Variants in CACNA2D3 observed in about 807,000 individuals in gnomAD.
CACNA2D3 encodes the protein voltage-dependent calcium channel subunit alpha-2/delta-3.
In CACNA2D3, 60 loss-of-function variants were observed where a neutral mutation model predicts 160.6. That is an observed-to-expected ratio of 0.37 (90% CI 0.30 to 0.46). The LOEUF is 0.46. Ranked by LOEUF, CACNA2D3 falls within the 20% of genes least tolerant of loss-of-function variation. CACNA2D3 has a pLI of 1.00. For missense variants in CACNA2D3, 1,205 were observed against 1,365.0 expected (o/e 0.88, Z 1.85); for synonymous variants, 558 against 492.9 (o/e 1.13, Z -1.75).
chr3:54,684,936 C>T (rs1700422816), intron 11 of CACNA2D3, among the ~76,000 whole-genome samples: 1 of 152,006 alleles, frequency 6.6e-6, no homozygotes, highest in African/African-American at 2.4e-5. Flanking sequence ...CATCCCACTG[C>T]TTGGAGTGCA....
At chr3:54,951,447 TC>T (rs1185024556) in intron 27 of CACNA2D3, among the ~76,000 whole-genome samples, 1 of 152,170 alleles carries the variant, frequency 6.6e-6, no homozygotes, top group African/African-American at 2.4e-5. Flanking sequence ...ATGGAACTGT[TC>T]TTTGGTGTGC....
chr3:54,770,180 A>G (rs1421110726), intron 13 of CACNA2D3, among the ~76,000 whole-genome samples: 1 of 152,218 alleles, frequency 6.6e-6, no homozygotes, highest in East Asian at 1.9e-4. Context: ...AATATCCTAT[A>G]AAGAGAATGA....
chr3:54,918,652 A>G (rs1341514218), intron 27 of CACNA2D3: 5 of 1,614,158 alleles, frequency 3.1e-6, no homozygotes, highest in Middle Eastern at 1.6e-4. Flanking sequence ...GGCATGACGC[A>G]GGTTGGCCGG....
intron 5 of CACNA2D3, among the ~76,000 whole-genome samples, chr3:54,549,263 G>A (rs1197422552): frequency 6.6e-6 from 1 of 152,064 alleles, no homozygotes; most frequent in Non-Finnish European, 1.5e-5. Context: ...TGGCTAACAC[G>A]GTGAAACCCC....
chr3:54,907,552 C>G (rs74951791), intron 27 of CACNA2D3, among the ~76,000 whole-genome samples: 2 of 152,262 alleles, frequency 1.3e-5, no homozygotes, highest in Admixed American at 1.3e-4. Context: ...TATTGTCGCC[C>G]TCTTCATTAA....
chr3:54,772,731 A>G (rs1702342895), intron 13 of CACNA2D3, among the ~76,000 whole-genome samples: 1 of 152,224 alleles, frequency 6.6e-6, no homozygotes, highest in Non-Finnish European at 1.5e-5. Context: ...TCTCATATGA[A>G]TACAAGTCAT....
In CACNA2D3 at chr3:54,123,714, C is replaced by T. The variant is rs975820737; in HGVS notation, c.204+120C>T. ...ATCAGTTATCGGAGGACTCTCTGAT[C>T]CCCGGGTTTCTTGGCATTGTACTAT... On this transcript the variant is annotated intron_variant, in intron 2 of 37. Transcript: ENST00000474759. The T allele has an allele frequency of 3.7e-6, 3 of 818,936 alleles. No individual in the cohort carries two copies. In the South Asian group the frequency reaches 4.2e-5, roughly 12 times the overall value. The allele number at this position is 818,936 out of a possible 1,614,324, so 50.7% of individuals were successfully genotyped here.
In CACNA2D3 at chr3:54,142,146, C is replaced by CTGGA. The variant is rs1699950138; in HGVS notation, c.204+18553_204+18556dup. ...TGACAGAAAGGTGGAAGAGGGGTCC[C>CTGGA]TGGACCCTTTGTGCTGCTGTGACCC... On this transcript the variant is annotated intron_variant, in intron 2 of 37. Transcript: ENST00000474759. 2.0e-5 allele frequency among the ~76,000 whole-genome samples: 3 copies of CTGGA among 152,298 alleles called. No individual in the cohort carries two copies. The East Asian group carries it at 5.8e-4, about 29-fold the overall frequency.
rs914692096 is a variant in CACNA2D3, at chr3:54,688,252, T to G, written c.1167+46011T>G. On this transcript the variant is annotated intron_variant, in intron 11 of 37. Coordinates refer to ENST00000474759, the MANE Select transcript of CACNA2D3 (RefSeq NM_018398.3). ...ATATTCATTTTAAATGTCCTGTGTC[T>G]CCCAAATTACCTACTGATATTAGCT... 2.0e-5 allele frequency among the ~76,000 whole-genome samples: 3 copies of G among 152,232 alleles called. No individual in the cohort carries two copies. In the East Asian group the frequency reaches 5.8e-4, roughly 29 times the overall value.
At chr3:54,354,870 C>T (rs1423117997) in intron 3 of CACNA2D3, among the ~76,000 whole-genome samples, 1 of 152,188 alleles carries the variant, frequency 6.6e-6, no homozygotes, top group African/African-American at 2.4e-5. Flanking sequence ...TGCTCAACAA[C>T]AATCATAAAA....
At chr3:54,530,037 T>C (rs548704379) in intron 5 of CACNA2D3, among the ~76,000 whole-genome samples, 12 of 152,310 alleles carry the variant, frequency 7.9e-5, no homozygotes, top group African/African-American at 2.9e-4. Flanking sequence ...TCCTGGATTC[T>C]AAGCAGCTTG....
At chr3:54,209,321 A>G (rs1184285849) in intron 2 of CACNA2D3, among the ~76,000 whole-genome samples, 1 of 152,216 alleles carries the variant, frequency 6.6e-6, no homozygotes. Context: ...CAATAAAGTC[A>G]GTTGTCCAGC....
chr3:54,668,839 A>C (rs553617576), intron 11 of CACNA2D3, among the ~76,000 whole-genome samples: 1 of 152,322 alleles, frequency 6.6e-6, no homozygotes, highest in South Asian at 2.1e-4. Flanking sequence ...GTCAGGGCTT[A>C]CCTCAAATGT....
chr3:54,773,209 T>G (rs1702351943), intron 13 of CACNA2D3, among the ~76,000 whole-genome samples: 1 of 152,194 alleles, frequency 6.6e-6, no homozygotes, highest in South Asian at 2.1e-4. Flanking sequence ...TGTTTCAGTT[T>G]CCCATCTAGG....
At chr3:55,005,009 C>T (rs1703061785) in intron 32 of CACNA2D3, among the ~76,000 whole-genome samples, 171 bp downstream of exon 32, 1 of 151,532 alleles carries the variant, frequency 6.6e-6, no homozygotes, top group African/African-American at 2.4e-5. Context: ...GGCGCGGCAG[C>T]TCATGCCCGT....
At chr3:54,149,883 G>GTCTCTCTCTCTCTC (rs554851240) in intron 2 of CACNA2D3, among the ~76,000 whole-genome samples, 21 of 60,760 alleles carry the variant, frequency 3.5e-4, no homozygotes, top group African/African-American at 9.5e-4. Flanking sequence ...TGAAGTATCT[G>GTCTCTCTCTCTCTC]TCTCTCTCTC....
At chr3:54,762,580 T>C (rs1180706178) in intron 12 of CACNA2D3, among the ~76,000 whole-genome samples, 1 of 152,214 alleles carries the variant, frequency 6.6e-6, no homozygotes, top group African/African-American at 2.4e-5. Context: ...AAAGGAAACC[T>C]TCAATAAATG....
At chr3:54,741,570 C>G (rs903854575) in intron 11 of CACNA2D3, among the ~76,000 whole-genome samples, 1 of 150,168 alleles carries the variant, frequency 6.7e-6, no homozygotes, top group Non-Finnish European at 1.5e-5. Context: ...TGGTGAAACC[C>G]CATCTAAAGA....
At chr3:54,993,085 T>A (rs186398188) in intron 31 of CACNA2D3, among the ~76,000 whole-genome samples, 1 of 152,204 alleles carries the variant, frequency 6.6e-6, no homozygotes, top group African/African-American at 2.4e-5. Context: ...CACTTCCATC[T>A]GCCCCCATGA....
Sources: gnomAD v4.1 joint callset for allele counts (sites outside exome capture counted in the v4.1 genomes callset) on GRCh38, gnomAD v4.1.1 for gene constraint, MANE v1.5 for transcripts, NCBI Gene and HGNC (gene_info 2026-07-23, HGNC 2026-07-21) for gene names.